Variants in LRP1B observed in about 807,000 individuals in gnomAD.
LRP1B encodes low-density lipoprotein receptor-related protein 1B.
Under a neutral mutation model 556.6 loss-of-function variants are expected in LRP1B, and 217 were observed. The observed-to-expected ratio is 0.39, with a 90% CI of 0.35 to 0.44. LRP1B has a LOEUF of 0.44. Among genes scored for constraint, LRP1B ranks in the 20% least tolerant of loss-of-function variants. The pLI, the probability that LRP1B is intolerant of heterozygous loss-of-function variation, is 1.00. For synonymous variants in LRP1B, 2,047 were observed against 1,865.8 expected (o/e 1.10, Z -2.50); for missense variants, 5,053 against 5,620.8 (o/e 0.90, Z 3.23).
At chr2:140,874,382 AT>A in intron 25 of LRP1B, among the ~76,000 whole-genome samples, 1 of 151,886 alleles carries the variant, frequency 6.6e-6, no homozygotes, top group African/African-American at 2.4e-5. Context: ...CCTTCAACTC[AT>A]TTTCAGCTCA....
intron 31 of LRP1B, among the ~76,000 whole-genome samples, chr2:140,831,336 T>C (rs1040765238): frequency 2.6e-5 from 4 of 152,010 alleles, no homozygotes; most frequent in Non-Finnish European, 5.9e-5. Context: ...TAGAGAACAG[T>C]GGAACACGCT....
intron 66 of LRP1B, among the ~76,000 whole-genome samples, chr2:140,411,983 G>A (rs1416846847): frequency 1.3e-5 from 2 of 151,978 alleles, no homozygotes; most frequent in Non-Finnish European, 2.9e-5. Flanking sequence ...TTGGCTTTTG[G>A]TCATCCTTAA....
intron 3 of LRP1B, among the ~76,000 whole-genome samples, chr2:141,309,641 C>T (rs1686734866): frequency 6.6e-6 from 1 of 152,100 alleles, no homozygotes; most frequent in Non-Finnish European, 1.5e-5. Context: ...CATATTCTCA[C>T]TCATAAGTAG....
At chr2:141,593,137 A>G (rs1687398329) in intron 2 of LRP1B, among the ~76,000 whole-genome samples, 1 of 152,128 alleles carries the variant, frequency 6.6e-6, no homozygotes, top group Non-Finnish European at 1.5e-5. Context: ...CTGCAAATGG[A>G]TAATTAGGGA....
intron 1 of LRP1B, among the ~76,000 whole-genome samples, chr2:141,932,346 C>A (rs187940906): frequency 1.3e-5 from 2 of 151,930 alleles, no homozygotes; most frequent in African/African-American, 4.8e-5. Context: ...CAGAGTACAC[C>A]GTTCATTACT....
chr2:141,727,904 A>G (rs13017440), intron 2 of LRP1B, among the ~76,000 whole-genome samples: 91,140 of 151,920 alleles, frequency 0.6, 27,855 homozygotes, highest in East Asian at 0.92. Context: ...AGAGAGGACC[A>G]AAGAGGAGGA....
chr2:141,478,674 GCT>G (rs1682802929), intron 3 of LRP1B, among the ~76,000 whole-genome samples: 1 of 151,882 alleles, frequency 6.6e-6, no homozygotes, highest in Non-Finnish European at 1.5e-5. Context: ...CTCCCAAGTA[GCT>G]GGGAATACAG....
intron 27 of LRP1B, among the ~76,000 whole-genome samples, chr2:140,858,922 T>A (rs1250767435): frequency 6.6e-6 from 1 of 152,192 alleles, no homozygotes; most frequent in Non-Finnish European, 1.5e-5. Context: ...TCTCATTCCT[T>A]TTTATGGCTG....
At chr2:141,198,126 C>A (rs373789625) in intron 6 of LRP1B, among the ~76,000 whole-genome samples, 1 of 152,014 alleles carries the variant, frequency 6.6e-6, no homozygotes, top group African/African-American at 2.4e-5. Flanking sequence ...TTTGCAGGAA[C>A]GTTTGAAAAT....
chr2:141,558,219 T>C (rs1450772260), intron 2 of LRP1B, among the ~76,000 whole-genome samples: 1 of 151,834 alleles, frequency 6.6e-6, no homozygotes, highest in Admixed American at 6.6e-5. Flanking sequence ...AACTAGTAGG[T>C]CACCAAGGAG....
chr2:140,528,624 A>G (rs902137224), intron 47 of LRP1B, among the ~76,000 whole-genome samples: 1 of 151,916 alleles, frequency 6.6e-6, no homozygotes, highest in African/African-American at 2.4e-5. Flanking sequence ...CTGTCTCCAC[A>G]TATTGCATTA....
intron 7 of LRP1B, among the ~76,000 whole-genome samples, chr2:141,172,916 T>C (rs1033903660): frequency 2.6e-5 from 4 of 152,060 alleles, no homozygotes; most frequent in African/African-American, 9.7e-5. Flanking sequence ...AGTAGTTCTA[T>C]TTTCTAACTA....
chr2:141,822,126 C>CAGAGAGAG (rs1308046198), intron 1 of LRP1B, among the ~76,000 whole-genome samples: 88 of 114,412 alleles, frequency 7.7e-4, no homozygotes, highest in East Asian at 5.5e-3. Flanking sequence ...CACACACACA[C>CAGAGAGAG]ACACAGAGAG....
At position 140,492,677 on chromosome 2, in the gene LRP1B, T is replaced by TA; in HGVS notation, c.9050dup (p.Leu3017PhefsTer5). 1 of 1,612,022 alleles carries TA rather than the reference T, an allele frequency of 6.2e-7. No homozygotes were observed. Among genetic ancestry groups the TA allele is most frequent in the Non-Finnish European group, 8.5e-7 (1 of 1,178,280 alleles). ...TTATCTCATGATGATCAGCAAGAAT[T>TA]AAAAAAGGTTCTTCATCTAAACACC... On this transcript the variant is annotated frameshift_variant, in exon 57 of 91. Transcript: ENST00000389484. LOFTEE classifies it high-confidence loss of function.
intron 6 of LRP1B, among the ~76,000 whole-genome samples, chr2:141,195,216 A>G (rs926697935): frequency 6.6e-6 from 1 of 152,024 alleles, no homozygotes; most frequent in Non-Finnish European, 1.5e-5. Flanking sequence ...CTGCCATGCT[A>G]TGAGGGCACT....
rs756065801 is a variant in LRP1B, at chr2:141,966,231, G to T, written c.83-155830C>A. Among the ~76,000 whole-genome samples the T allele has an allele frequency of 1.5e-4, 23 of 152,018 alleles. No homozygotes were observed. In the Middle Eastern group the frequency reaches 0.014, roughly 90 times the overall value. ...ATTCTTGTTTTCATGGAGATTATAA[G>T]AGGGAAACTAGAGAGTCGTTTTCCC... On this transcript the variant is annotated intron_variant, in intron 1 of 90. Coordinates refer to ENST00000389484, the MANE Select transcript of LRP1B (RefSeq NM_018557.3).
At chr2:141,721,285 A>T (rs1574282586) in intron 2 of LRP1B, among the ~76,000 whole-genome samples, 1 of 152,250 alleles carries the variant, frequency 6.6e-6, no homozygotes, top group South Asian at 2.1e-4. Context: ...TTAAAAAATC[A>T]TTTGATGGTG....
intron 41 of LRP1B, among the ~76,000 whole-genome samples, chr2:140,640,867 C>A (rs902665612): frequency 2.0e-5 from 3 of 152,092 alleles, no homozygotes; most frequent in Non-Finnish European, 2.9e-5. Context: ...AATGAATAAA[C>A]AATAAATTAA....
At chr2:140,721,593 C>A (rs1447693190) in intron 35 of LRP1B, among the ~76,000 whole-genome samples, 1 of 127,660 alleles carries the variant, frequency 7.8e-6, no homozygotes, top group Non-Finnish European at 1.6e-5. Context: ...TGTCGCCCAG[C>A]CTGGAGTGCA....
Sources: allele counts gnomAD v4.1 joint callset (sites outside exome capture counted in the v4.1 genomes callset), GRCh38; gene constraint gnomAD v4.1.1; transcripts MANE v1.5; gene names NCBI Gene and HGNC (gene_info 2026-07-23, HGNC 2026-07-21).